The following BRCA2 variants were observed in gnomAD, a reference collection of about 807,000 sequenced individuals.
BRCA2 encodes the protein BRCA2 DNA repair associated.
A neutral mutation model predicts 276.7 loss-of-function variants in BRCA2; 203 were observed. That is an observed-to-expected ratio of 0.73 (90% CI 0.65 to 0.82). The LOEUF (loss-of-function observed/expected upper bound fraction) is 0.82. Among genes scored for constraint, BRCA2 ranks in the 40% least tolerant of loss-of-function variants. BRCA2 has a pLI of 0.00. For synonymous variants in BRCA2, 1,289 were observed against 1,338.4 expected (o/e 0.96, Z 0.81); for missense variants, 3,920 against 3,915.0 (o/e 1.00, Z -0.03).
chr13:32,397,869 AAAAAC>A (rs1204072248), intron 26 of BRCA2, among the ~76,000 whole-genome samples: 2 of 152,194 alleles, frequency 1.3e-5, no homozygotes, highest in Non-Finnish European at 2.9e-5. Flanking sequence ...GTTAATAATA[AAAAAC>A]AAAAGATTAA....
In BRCA2 at chr13:32,340,462, C is replaced by G. The variant is rs1455395828; in HGVS notation, c.6107C>G (p.Pro2036Arg). 1 of 1,613,650 alleles carries G rather than the reference C, an allele frequency of 6.2e-7. No homozygotes were observed. Among genetic ancestry groups the G allele is most frequent in the African/African-American group, 1.3e-5 (1 of 74,902 alleles). Residue 2036 changes from proline to arginine, a missense_variant, in exon 11 of 27, where the codon CCA (proline) becomes CGA (arginine). Transcript: ENST00000380152. ...GAAGAAAATACTGCTATACGTACTC[C>G]AGAACATTTAATATCCCAAAAAGGC... ...TREENTAIRT[P>R]EHLISQKGFS... is the part of the protein sequence containing the mutation.
intron 2 of BRCA2, among the ~76,000 whole-genome samples, chr13:32,318,399 C>A (rs2138701897): frequency 6.6e-6 from 1 of 152,022 alleles, no homozygotes; most frequent in South Asian, 2.1e-4. Flanking sequence ...GAGTACTCTT[C>A]AGAATTATTT....
rs1327465878 is a variant in BRCA2 at position 32,379,430 on chromosome 13, A to G, written c.8868A>G (p.Glu2956=). 1 of 1,613,810 alleles carries G rather than the reference A, an allele frequency of 6.2e-7. No individual in the cohort carries two copies. Among genetic ancestry groups the G allele is most frequent in the Non-Finnish European group, 8.5e-7 (1 of 1,179,866 alleles). The stretch of plus-strand genomic sequence containing the variant: ...TTAGGAAGGCCATGGAATCTGCTGA[A>G]CAAAAGGAACAAGGTTTATCAAGGG... ...LEIRKAMESA[E]QKEQGLSRDV... Residue 2956 remains glutamate, a synonymous_variant, in exon 22 of 27, where the codon GAA becomes GAG. Coordinates refer to ENST00000380152, the MANE Select transcript of BRCA2 (RefSeq NM_000059.4).
chr13:32,338,870 C>T lies in BRCA2; in HGVS notation c.4515C>T (p.Thr1505=), dbSNP rs1555283817. 6.2e-7 allele frequency: 1 copy of T among 1,613,880 alleles called. No homozygotes were observed. Among genetic ancestry groups the T allele is most frequent in the Non-Finnish European group, 8.5e-7 (1 of 1,179,892 alleles). Residue 1505 remains threonine (T), a synonymous_variant, in exon 11 of 27, where the codon ACC becomes ACT. Transcript: ENST00000380152. Reference sequence around the variant, plus strand: ...TTGGTACTGGAAATCAACTAGTGACCTTCCAGGGACAACCCGAACGTGATG... The same window carrying T: ...TTGGTACTGGAAATCAACTAGTGACTTTCCAGGGACAACCCGAACGTGATG... The part of the protein sequence containing the change: ...VPVGTGNQLV[T]FQGQPERDEK...
chr13:32,378,218 G>A (rs1246531220), intron 21 of BRCA2, among the ~76,000 whole-genome samples: 1 of 152,146 alleles, frequency 6.6e-6, no homozygotes, highest in Non-Finnish European at 1.5e-5. Flanking sequence ...AAGAGTTGGA[G>A]TAGGGCCTTG....
At chr13:32,386,548 ATG>A (rs1283443093) in intron 24 of BRCA2, among the ~76,000 whole-genome samples, 1 of 152,132 alleles carries the variant, frequency 6.6e-6, no homozygotes, top group Non-Finnish European at 1.5e-5. Flanking sequence ...TAATGAATCA[ATG>A]TGTGTGTGCA....
rs1190232913 is a variant in BRCA2 at position 32,398,523 on chromosome 13, A to C, written c.10010A>C (p.Asn3337Thr). ...AATGAAATTTCTCTTTTGGAAAGTAATTCAATAGCTGACGAAGAACTTGCA... is the reference window on the plus strand; with the variant it reads ...AATGAAATTTCTCTTTTGGAAAGTACTTCAATAGCTGACGAAGAACTTGCA... ...KFNEISLLESNSIADEELALI... is the reference protein window; with the variant it reads ...KFNEISLLESTSIADEELALI... The change falls in exon 27 of 27, where the codon AAT (asparagine) becomes ACT (threonine). Residue 3337 changes from asparagine to threonine, a missense_variant. Asn to Thr is a moderately conservative substitution (Grantham distance 65). Around this residue, in one of 2 missense-constraint regions of BRCA2, gnomAD observed 657 missense variants for 758.2 expected, o/e 0.87. Transcript: ENST00000380152. 4 of 1,614,172 alleles carry C rather than the reference A, an allele frequency of 2.5e-6. No individual in the cohort carries two copies. The highest frequency in any genetic ancestry group is 8.5e-7 in the Non-Finnish European group (1 of 1,180,018).
chr13:32,336,220 G>T (rs757206914), intron 10 of BRCA2, 45 bp from the exon 11 acceptor site: 1 of 1,566,396 alleles, frequency 6.4e-7, no homozygotes, highest in South Asian at 1.2e-5. Flanking sequence ...TAGTGAATGT[G>T]ATTGATGGTA....
chr13:32,377,264 G>A (rs781325662), intron 21 of BRCA2, among the ~76,000 whole-genome samples: 5 of 152,066 alleles, frequency 3.3e-5, no homozygotes, highest in Non-Finnish European at 7.4e-5. Context: ...CTTTAGAATC[G>A]TGGCACTCTC....
At position 32,329,457 on chromosome 13, in the gene BRCA2, G is replaced by A. The variant is rs2137458235; in HGVS notation, c.646G>A (p.Ala216Thr). The change falls in exon 8 of 27, where the codon GCA becomes ACA. Residue 216 changes from alanine (A) to threonine (T), a missense_variant. By Grantham distance (58) the Ala-to-Thr change is moderately conservative. This residue lies in a region of BRCA2 where 3,263 missense variants were observed against 3,156.9 expected (regional missense o/e 1.03). Coordinates refer to ENST00000380152, the MANE Select transcript of BRCA2 (RefSeq NM_000059.4). ...TTATCTTACAGTCAGAAATGAAGAA[G>A]CATCTGAAACTGTATTTCCTCATGA... Reference protein sequence around the residue: ...STVLIVRNEEASETVFPHDTT... With the variant: ...STVLIVRNEETSETVFPHDTT... 6.3e-7 allele frequency: 1 copy of A among 1,597,722 alleles called. No homozygotes were observed. The highest frequency in any genetic ancestry group is 8.6e-7 in the Non-Finnish European group (1 of 1,167,124).
At chr13:32,341,222 G>A (rs2137531210) in intron 11 of BRCA2, 26 bp downstream of exon 11, 1 of 1,613,506 alleles carries the variant, frequency 6.2e-7, no homozygotes, top group Non-Finnish European at 8.5e-7. Context: ...TACCTTTCGT[G>A]TTGCCAATCA....
At position 32,368,453 on chromosome 13, in the gene BRCA2, T is replaced by C. The variant is rs117760836; in HGVS notation, c.8332-1949T>C. ...TTCAGTTCTTGTTTCATAGATACAGTATCTTCTCATCTTTCTAAAGCTAAT... is the reference window on the plus strand; with the variant it reads ...TTCAGTTCTTGTTTCATAGATACAGCATCTTCTCATCTTTCTAAAGCTAAT... On this transcript the variant is annotated intron_variant, in intron 18 of 26. Coordinates refer to ENST00000380152, the MANE Select transcript of BRCA2 (RefSeq NM_000059.4). Among the ~76,000 whole-genome samples, 158 of 152,296 alleles carry C rather than the reference T, an allele frequency of 1.0e-3. 2 individuals carry two copies. In the East Asian group the frequency reaches 0.023, roughly 22 times the overall value.
At chr13:32,328,789 A>G (rs1157049297) in intron 7 of BRCA2, among the ~76,000 whole-genome samples, 1 of 152,224 alleles carries the variant, frequency 6.6e-6, no homozygotes, top group East Asian at 1.9e-4. Context: ...CCTGTATTTT[A>G]TCCAGAAGTC....
At position 32,356,461 on chromosome 13, in the gene BRCA2, T is replaced by C. The variant is rs11571707; in HGVS notation, c.7469T>C (p.Ile2490Thr). 4.8e-3 allele frequency: 7,771 copies of C among 1,614,070 alleles called. 495 individuals carry two copies. The Admixed American group carries it at 0.12, about 24-fold the overall frequency. The change falls in exon 15 of 27, where the codon ATA becomes ACA. Residue 2490 changes from isoleucine to threonine, a missense_variant. Ile to Thr is a moderately conservative substitution (Grantham distance 89, BLOSUM62 -1). Transcript: ENST00000380152. ...LITSLQNARDIQDMRIKKKQR... is the reference protein window; with the variant it reads ...LITSLQNARDTQDMRIKKKQR... ...ACAAGTCTTCAGAATGCCAGAGATA[T>C]ACAGGATATGCGAATTAAGAAGAAA...
chr13:32,340,080 G>C lies in BRCA2; in HGVS notation c.5725G>C (p.Asp1909His), dbSNP rs764827027. The C allele has an allele frequency of 1.2e-6, 2 of 1,613,888 alleles. No homozygotes were observed. Among genetic ancestry groups the C allele is most frequent in the Non-Finnish European group, 8.5e-7 (1 of 1,179,866 alleles). The change falls in exon 11 of 27, where the codon GAT (aspartate) becomes CAT (histidine). Residue 1909 changes from aspartate to histidine, a missense_variant. This residue lies in a region of BRCA2 where 3,263 missense variants were observed against 3,156.9 expected (regional missense o/e 1.03). Transcript: ENST00000380152. Reference sequence around the variant, plus strand: ...AGAGGATATTCTTCATAACTCTCTAGATAATGATGAATGTAGCACGCATTC... The same window carrying C: ...AGAGGATATTCTTCATAACTCTCTACATAATGATGAATGTAGCACGCATTC... ...DSEDILHNSLDNDECSTHSHK... is the reference protein window; with the variant it reads ...DSEDILHNSLHNDECSTHSHK...
chr13:32,378,234 C>A (rs1293063664), intron 21 of BRCA2, among the ~76,000 whole-genome samples: 1 of 152,222 alleles, frequency 6.6e-6, no homozygotes, highest in Non-Finnish European at 1.5e-5. Context: ...CCTTGCCCAG[C>A]CACTCTGTAA....
chr13:32,320,728 T>C lies in BRCA2; in HGVS notation c.316+1403T>C, dbSNP rs11571592. 0.027 allele frequency among the ~76,000 whole-genome samples: 4,132 copies of C among 152,318 alleles called. 75 individuals are homozygous for C. The highest frequency in any genetic ancestry group is 0.037 in the Non-Finnish European group (2,528 of 68,008). ...GGTAATGGGCAAATATTTACATGTA[T>C]GTTATTGGATACCAAATGGTATACA... is the stretch of plus-strand genomic sequence containing the variant. On this transcript the variant is annotated intron_variant, in intron 3 of 26. Transcript: ENST00000380152.
At position 32,338,140 on chromosome 13, in the gene BRCA2, C is replaced by G. The variant is rs80358620; in HGVS notation, c.3785C>G (p.Ser1262Ter). 6.2e-6 allele frequency: 10 copies of G among 1,602,446 alleles called. No individual in the cohort carries two copies. Among genetic ancestry groups the G allele is most frequent in the African/African-American group, 1.3e-5 (1 of 74,452 alleles). The change falls in exon 11 of 27, where the codon TCA becomes TGA. Residue 1262 changes from serine to a stop codon, truncating the protein, a stop_gained. Coordinates refer to ENST00000380152, the MANE Select transcript of BRCA2 (RefSeq NM_000059.4). LOFTEE classifies it high-confidence loss of function. ...GAGGTACATCCAATAAGTTTATCTT[C>G]AAGTAAATGTCATGATTCTGTTGTT... ...SAEVHPISLS[S>*]SKCHDSVVSM...
rs543689466 is a variant in BRCA2 at position 32,396,286 on chromosome 13, G to A, written c.9502-612G>A. On this transcript the variant is annotated intron_variant, in intron 25 of 26. Coordinates refer to ENST00000380152, the MANE Select transcript of BRCA2 (RefSeq NM_000059.4). ...ACCGAGCCCGCATTTTCTCTGAGAC[G>A]TCTTCAAAGGCAGTTTACTAATCCT... Among the ~76,000 whole-genome samples, 149 of 152,032 alleles carry A rather than the reference G, an allele frequency of 9.8e-4. 3 individuals carry two copies. Among genetic ancestry groups the A allele is most frequent in the Middle Eastern group, 3.4e-3 (1 of 294 alleles).
Sources: gnomAD v4.1 joint callset for allele counts (sites outside exome capture counted in the v4.1 genomes callset) on GRCh38, gnomAD v4.1.1 for gene constraint, gnomAD v4.1.1 regional missense constraint, MANE v1.5 for transcripts, NCBI Gene and HGNC (gene_info 2026-07-23, HGNC 2026-07-21) for gene names.